NUP62CL: variants seen among roughly 807,000 people sequenced by gnomAD.
NUP62CL encodes the protein nucleoporin 62 C-terminal like.
Under a neutral mutation model 15.3 loss-of-function variants are expected in NUP62CL, and 13 were observed. The ratio of observed to expected loss-of-function variants is 0.85; its 90% CI spans 0.55 to 1.35. The LOEUF (loss-of-function observed/expected upper bound fraction) is 1.35. Ranked by LOEUF, NUP62CL falls within the 40% of genes most tolerant of loss-of-function variation. The pLI is 0.00. For synonymous variants in NUP62CL, 54 were observed against 49.2 expected (o/e 1.10, Z -0.41); for missense variants, 123 against 130.6 (o/e 0.94, Z 0.28).
intron 2 of NUP62CL, among the ~76,000 whole-genome samples, chrX:107,190,507 G>A (rs1189779925): frequency 8.9e-6 from 1 of 111,805 alleles, no homozygotes; most frequent in Non-Finnish European, 1.9e-5. Flanking sequence ...AAGATTGATT[G>A]GTTCTAAACC....
chrX:107,186,126 G>A (rs184981658), intron 2 of NUP62CL, among the ~76,000 whole-genome samples: 1 of 111,453 alleles, frequency 9.0e-6, no homozygotes, highest in East Asian at 2.8e-4. Context: ...CAGTTAGAGA[G>A]TTCAATACCC....
At chrX:107,145,269 A>T (rs1298962486) in intron 8 of NUP62CL, among the ~76,000 whole-genome samples, 1 of 111,192 alleles carries the variant, frequency 9.0e-6, no homozygotes, top group Admixed American at 9.6e-5. Flanking sequence ...AGAAAATGAA[A>T]AATCTAGCAT....
chrX:107,151,138 C>T (rs1925998950), intron 7 of NUP62CL, among the ~76,000 whole-genome samples: 1 of 111,566 alleles, frequency 9.0e-6, no homozygotes, highest in Non-Finnish European at 1.9e-5. Context: ...GCATTTGTGA[C>T]GTTATTATTA....
chrX:107,164,914 C>T (rs1479688634), intron 4 of NUP62CL, among the ~76,000 whole-genome samples: 1 of 112,445 alleles, frequency 8.9e-6, no homozygotes, highest in Admixed American at 9.4e-5. Context: ...GCCTGGCTAA[C>T]ACGGTGAAAC....
intron 1 of NUP62CL, among the ~76,000 whole-genome samples, chrX:107,197,802 C>CTAGA (rs1927389713): frequency 9.0e-6 from 1 of 111,580 alleles, no homozygotes; most frequent in Admixed American, 9.6e-5. Flanking sequence ...TTGATGCCCA[C>CTAGA]TAGACTGTTC....
At chrX:107,131,927 C>G in intron 8 of NUP62CL, 3 of 1,022,642 alleles carry the variant, frequency 2.9e-6, no homozygotes, top group South Asian at 3.8e-5. Flanking sequence ...AAATGTCATA[C>G]AATGAAGAAG....
chrX:107,189,669 C>G (rs1927158505), intron 2 of NUP62CL, among the ~76,000 whole-genome samples: 1 of 106,486 alleles, frequency 9.4e-6, no homozygotes, highest in African/African-American at 3.5e-5. Context: ...CGTCTATGGT[C>G]CCAGCTACTC....
At chrX:107,131,627 C>T (rs1234896940) in intron 8 of NUP62CL, 3 of 511,189 alleles carry the variant, frequency 5.9e-6, no homozygotes, top group South Asian at 2.6e-5. Flanking sequence ...GGCGAGGCGC[C>T]GCGGGACCAA....
chrX:107,198,514 C>A (rs974092916), intron 1 of NUP62CL, among the ~76,000 whole-genome samples: 1 of 111,894 alleles, frequency 8.9e-6, no homozygotes, highest in Admixed American at 9.5e-5. Context: ...TAACACTCAC[C>A]GTGAAGGTCT....
chrX:107,167,431 TTAGTAA>T (rs1926543769), intron 4 of NUP62CL, among the ~76,000 whole-genome samples: 1 of 112,132 alleles, frequency 8.9e-6, no homozygotes, highest in Non-Finnish European at 1.9e-5. Flanking sequence ...GTAGCTATTA[TTAGTAA>T]TAGTAATGAT....
rs780904593 is a variant in NUP62CL, at chrX:107,189,945, G to GAAAGAAAGAAAGAAAGAAAA, written c.-48+3083_-48+3084insTTTTCTTTCTTTCTTTCTTT. Among the ~76,000 whole-genome samples the GAAAGAAAGAAAGAAAGAAAA allele has an allele frequency of 7.0e-4, 62 of 88,795 alleles. 3 individuals carry two copies. Among genetic ancestry groups the GAAAGAAAGAAAGAAAGAAAA allele is most frequent in the African/African-American group, 2.5e-3 (52 of 20,542 alleles). 77.1% of individuals were successfully genotyped at this position (88,795 alleles called of 115,157 possible). A position where few individuals can be genotyped will look rare whatever the true frequency, so the allele number is the denominator to read the frequency against. ...AGAAAGAAAGAAAGAAAGAAAGAAAGAGAATCGATACAGACAACAATCTGG... is the reference window on the plus strand; with the variant it reads ...AGAAAGAAAGAAAGAAAGAAAGAAAGAAAGAAAGAAAGAAAGAAAAAGAATCGATACAGACAACAATCTGG... On this transcript the variant is annotated intron_variant, in intron 2 of 8. Coordinates refer to ENST00000372466, the MANE Select transcript of NUP62CL (RefSeq NM_017681.3).
intron 4 of NUP62CL, among the ~76,000 whole-genome samples, chrX:107,165,167 C>T (rs1397417550): frequency 9.1e-6 from 1 of 109,745 alleles, no homozygotes; most frequent in Non-Finnish European, 1.9e-5. Context: ...GACGTGGTGG[C>T]GGGAGCTTGT....
chrX:107,146,522 G>A (rs900538823), intron 8 of NUP62CL, among the ~76,000 whole-genome samples: 25 of 111,941 alleles, frequency 2.2e-4, no homozygotes, highest in African/African-American at 8.1e-4. Context: ...TGTTCAAGAT[G>A]AGAGTGAGCT....
At position 107,143,386 on chromosome X, in the gene NUP62CL, A is replaced by AT. The variant is rs530360538; in HGVS notation, c.*42+4356dup. 7.3e-3 allele frequency among the ~76,000 whole-genome samples: 772 copies of AT among 106,105 alleles called. 4 individuals carry two copies. The highest frequency in any genetic ancestry group is 0.026 in the South Asian group (61 of 2,381). The allele number at this position is 106,105 out of a possible 115,157, so 92.1% of individuals were successfully genotyped here. ...CAGGTGTGTGCTACTACACCCAGCT[A>AT]TTTTTTTTTTAAGAGATGAGGTCTC... On this transcript the variant is annotated intron_variant, in intron 8 of 8. Coordinates refer to ENST00000372466, the MANE Select transcript of NUP62CL (RefSeq NM_017681.3).
At chrX:107,188,483 T>C (rs900108620) in intron 2 of NUP62CL, among the ~76,000 whole-genome samples, 3 of 106,422 alleles carry the variant, frequency 2.8e-5, no homozygotes, top group Non-Finnish European at 5.8e-5. Flanking sequence ...GGGAACTTCC[T>C]TAACTTGATA....
At chrX:107,177,760 T>A in intron 2 of NUP62CL, among the ~76,000 whole-genome samples, 1 of 111,492 alleles carries the variant, frequency 9.0e-6, no homozygotes, top group Admixed American at 9.5e-5. Context: ...AAATGTAAAA[T>A]TCTGTACCTC....
chrX:107,204,770 TTA>T (rs1397769704), intron 1 of NUP62CL, among the ~76,000 whole-genome samples: 148 of 32,463 alleles, frequency 4.6e-3, no homozygotes, highest in Non-Finnish European at 6.7e-3. Flanking sequence ...TTTAAATAAA[TTA>T]TTTAAATAAA....
intron 2 of NUP62CL, among the ~76,000 whole-genome samples, chrX:107,190,441 T>C (rs1927210833): frequency 8.9e-6 from 1 of 112,245 alleles, no homozygotes; most frequent in South Asian, 3.7e-4. Flanking sequence ...CTGATTACTA[T>C]ATGCCAATTG....
intron 4 of NUP62CL, among the ~76,000 whole-genome samples, chrX:107,156,874 C>T (rs1398762656): frequency 1.1e-5 from 1 of 95,099 alleles, no homozygotes; most frequent in Non-Finnish European, 2.1e-5. Context: ...AAGTTGAAAA[C>T]TTTGAAAAAA....
Sources: allele counts gnomAD v4.1 joint callset (sites outside exome capture counted in the v4.1 genomes callset), GRCh38; gene constraint gnomAD v4.1.1; transcripts MANE v1.5; gene names NCBI Gene and HGNC (gene_info 2026-07-23, HGNC 2026-07-21).